Variants in ZNF407 observed in about 807,000 individuals in gnomAD.
ZNF407 encodes the protein zinc finger protein 407.
In ZNF407, 17 loss-of-function variants were observed where a neutral mutation model predicts 131.2. The observed-to-expected ratio is 0.13, with a 90% confidence interval of 0.09 to 0.19. The LOEUF is 0.19. Among genes scored for constraint, ZNF407 ranks in the 10% least tolerant of loss-of-function variants. The pLI is 1.00. For synonymous variants in ZNF407, 1,156 were observed against 1,062.0 expected, an observed-to-expected ratio of 1.09 and a Z score of -1.72; for missense variants, 2,681 against 2,830.6, an observed-to-expected ratio of 0.95 and a Z score of 1.20.
At chr18:74,815,830 C>T (rs970416366) in intron 4 of ZNF407, among the ~76,000 whole-genome samples, 4 of 152,152 alleles carry the variant, frequency 2.6e-5, no homozygotes, top group Non-Finnish European at 5.9e-5. Flanking sequence ...GTCCTTTCTA[C>T]TTAATTGTAT....
chr18:74,719,814 A>G (rs1028134936), intron 3 of ZNF407, among the ~76,000 whole-genome samples: 2 of 152,136 alleles, frequency 1.3e-5, no homozygotes, highest in African/African-American at 4.8e-5. Flanking sequence ...TGTTCCATCT[A>G]TGTTGCTGAG....
chr18:74,849,060 T>TA (rs1286159343), intron 4 of ZNF407, among the ~76,000 whole-genome samples: 2 of 145,398 alleles, frequency 1.4e-5, no homozygotes, highest in Non-Finnish European at 3.0e-5. Flanking sequence ...TTCTTTTTTT[T>TA]TTTTTTATTT....
At chr18:74,606,438 C>CG (rs1982810252) in intron 1 of ZNF407, among the ~76,000 whole-genome samples, 1 of 152,066 alleles carries the variant, frequency 6.6e-6, no homozygotes, top group South Asian at 2.1e-4. Flanking sequence ...TGAGTAGATA[C>CG]GGGGTCTTGC....
chr18:74,665,633 T>C (rs1568154523), intron 3 of ZNF407, among the ~76,000 whole-genome samples: 1 of 152,206 alleles, frequency 6.6e-6, no homozygotes, highest in Non-Finnish European at 1.5e-5. Context: ...ATCTTCTTAA[T>C]GTAATGTCAA....
In ZNF407 at chr18:75,063,135, C is replaced by T. The variant is rs998745665; in HGVS notation, c.5429-15C>T. The stretch of plus-strand genomic sequence containing the variant: ...GTACTTTTTCCAGGCTCTAACTGGT[C>T]CCTGTCTCCCTTAGGCATTGTTTCC... On this transcript the variant is annotated splice_polypyrimidine_tract_variant and intron_variant, in intron 8 of 8. Transcript: ENST00000299687. This position sits in a 1 kb window ranked among gnomAD's most constrained non-coding sequence, Gnocchi z 6.6. 6.5e-7 allele frequency: 1 copy of T among 1,544,526 alleles called. No homozygotes were observed. Among genetic ancestry groups the T allele is most frequent in the African/African-American group, 1.4e-5 (1 of 72,410 alleles).
chr18:74,654,604 T>G (rs188127793), intron 3 of ZNF407, among the ~76,000 whole-genome samples: 76 of 151,896 alleles, frequency 5.0e-4, no homozygotes, highest in Non-Finnish European at 8.9e-4. Flanking sequence ...ACCAAGAAAT[T>G]TTCTTAATGA....
chr18:74,628,770 G>A (rs1983916252), intron 1 of ZNF407, among the ~76,000 whole-genome samples: 1 of 151,784 alleles, frequency 6.6e-6, no homozygotes, highest in Non-Finnish European at 1.5e-5. Context: ...TTTAGAGCTG[G>A]GGTCTTGCTG....
chr18:74,682,564 T>C (rs937116732), intron 3 of ZNF407, among the ~76,000 whole-genome samples: 2 of 152,332 alleles, frequency 1.3e-5, no homozygotes, highest in African/African-American at 4.8e-5. Flanking sequence ...TACCTGGAAG[T>C]GATCAAAGCA....
At chr18:75,015,894 T>G (rs954428703) in intron 8 of ZNF407, among the ~76,000 whole-genome samples, 3 of 152,028 alleles carry the variant, frequency 2.0e-5, no homozygotes, top group Admixed American at 6.6e-5. Context: ...CAGAGAGAGA[T>G]ATAAATGCAA....
intron 8 of ZNF407, among the ~76,000 whole-genome samples, chr18:74,983,234 G>A (rs1040231044): frequency 1.3e-5 from 2 of 151,800 alleles, no homozygotes; most frequent in Non-Finnish European, 2.9e-5. Context: ...ACGCTTTATG[G>A]TCCCCTCATT....
intron 3 of ZNF407, among the ~76,000 whole-genome samples, chr18:74,682,584 T>C (rs966743215): frequency 1.3e-5 from 2 of 152,230 alleles, no homozygotes; most frequent in Non-Finnish European, 2.9e-5. Flanking sequence ...AGTTTGTCTT[T>C]TTTGTTTTGG....
chr18:75,032,248 C>T lies in ZNF407; in HGVS notation c.5429-30902C>T, dbSNP rs552488259. Among the ~76,000 whole-genome samples the T allele has an allele frequency of 2.0e-4, 30 of 152,236 alleles. 1 individual carries two copies. The highest frequency in any genetic ancestry group is 7.0e-4 in the African/African-American group (29 of 41,522). On this transcript the variant is annotated intron_variant, in intron 8 of 8. Transcript: ENST00000299687. ...TGAGACTGCGATCTGGGGGCTGTTC[C>T]GATGTGTTGACTTGCTTAGATAACA...
chr18:74,752,517 T>G (rs1467586300), intron 3 of ZNF407, among the ~76,000 whole-genome samples: 1 of 152,338 alleles, frequency 6.6e-6, no homozygotes, highest in African/African-American at 2.4e-5. Flanking sequence ...GGTCTAACAT[T>G]TAAGTCTTTA....
rs952508242 is a variant in ZNF407 at position 74,703,363 on chromosome 18, G to GTCTCTGTCTC, written c.4802+62246_4802+62247insGTCTCTCTCT. ...TCTCCCCATGTGTGTCTCTGTCTCTGTCTCTCTCTCTCTCTTTTCTGAGAT... is the reference window on the plus strand; with the variant it reads ...TCTCCCCATGTGTGTCTCTGTCTCTGTCTCTGTCTCTCTCTCTCTCTCTCTTTTCTGAGAT... On this transcript the variant is annotated intron_variant, in intron 3 of 8. Coordinates refer to ENST00000299687, the MANE Select transcript of ZNF407 (RefSeq NM_017757.3). This position sits in a 1 kb window ranked among gnomAD's most constrained non-coding sequence, Gnocchi z 4.1. Among the ~76,000 whole-genome samples, 3 of 151,342 alleles carry GTCTCTGTCTC rather than the reference G, an allele frequency of 2.0e-5. No homozygotes were observed. Among genetic ancestry groups the GTCTCTGTCTC allele is most frequent in the Non-Finnish European group, 4.4e-5 (3 of 67,792 alleles).
At chr18:74,714,949 G>A (rs1967857950) in intron 3 of ZNF407, among the ~76,000 whole-genome samples, 1 of 152,064 alleles carries the variant, frequency 6.6e-6, no homozygotes, top group African/African-American at 2.4e-5. Flanking sequence ...TAGACAGGGC[G>A]TCGCTCTGGA....
At chr18:74,840,975 C>T (rs1277559590) in intron 4 of ZNF407, among the ~76,000 whole-genome samples, 1 of 152,168 alleles carries the variant, frequency 6.6e-6, no homozygotes, top group African/African-American at 2.4e-5. Context: ...AGAGCTCCTC[C>T]CTGGTGCCTC....
intron 4 of ZNF407, among the ~76,000 whole-genome samples, chr18:74,821,935 G>C (rs565262145): frequency 3.9e-4 from 59 of 152,264 alleles, no homozygotes; most frequent in African/African-American, 1.4e-3. Flanking sequence ...AGCATCTGTT[G>C]TTTCCTGACT....
At chr18:74,947,685 A>C (rs1165525957) in intron 8 of ZNF407, among the ~76,000 whole-genome samples, 1 of 151,402 alleles carries the variant, frequency 6.6e-6, no homozygotes, top group East Asian at 1.9e-4. Context: ...CGGTGCCAAG[A>C]TCAGAGTCAG....
At position 74,632,438 on chromosome 18, in the gene ZNF407, A is replaced by T. The variant is rs754331489; in HGVS notation, c.1419A>T (p.Ala473=). Residue 473 remains alanine, a synonymous_variant, in exon 2 of 9, where the codon GCA becomes GCT. Transcript: ENST00000299687. ...HLRTQMKTHD[A]ESVLKHLEAC... is the part of the protein sequence containing the mutation. ...GAACACAGATGAAAACACACGATGC[A>T]GAATCAGTGCTGAAACACCTGGAAG... 3 of 1,613,932 alleles carry T rather than the reference A, an allele frequency of 1.9e-6. No individual in the cohort carries two copies. The African/African-American group carries it at 4.0e-5, about 22-fold the overall frequency.
Sources: gnomAD v4.1 joint callset for allele counts (sites outside exome capture counted in the v4.1 genomes callset) on GRCh38, gnomAD v4.1.1 for gene constraint, Gnocchi (gnomAD v3.1) non-coding constraint, MANE v1.5 for transcripts, NCBI Gene and HGNC (gene_info 2026-07-23, HGNC 2026-07-21) for gene names.